The following PRR33 variants were observed in gnomAD, a reference collection of about 807,000 sequenced individuals.
The protein encoded by PRR33 is proline-rich protein 33.
A neutral mutation model predicts 0.5 loss-of-function variants in PRR33; 1 was observed. That is an observed-to-expected ratio of 2.18 (90% CI 0.77 to 10.34). The LOEUF is 10.34. PRR33 is among the 30% of genes most tolerant of loss of function. PRR33 has a pLI of 0.13. For synonymous variants in PRR33, 226 were observed against 110.0 expected, an observed-to-expected ratio of 2.06 and a Z score of -6.60; for missense variants, 552 against 251.8, an observed-to-expected ratio of 2.19 and a Z score of -8.07.
exon 1 of PRR33, chr11:1,891,778 T>A (rs2133150039): frequency 6.5e-6 from 1 of 152,686 alleles, no homozygotes; most frequent in African/African-American, 2.4e-5. Flanking sequence ...TCCAGCTTCC[T>A]GGGTCTGCAG....
chr11:1,889,308 G>C, exon 1 of PRR33: 1 of 706,876 alleles, frequency 1.4e-6, no homozygotes. Flanking sequence ...GCTGGCTGGG[G>C]TGTGCTCCCC....
the PRR33 span, chr11:1,889,763 G>T: frequency 1.5e-6 from 1 of 650,236 alleles, no homozygotes. Context: ...CCAGCGAGCG[G>T]CAGGTCGGGG....
chr11:1,890,283 G>C (rs1417626881), exon 1 of PRR33: 1 of 712,554 alleles, frequency 1.4e-6, no homozygotes, highest in Non-Finnish European at 2.6e-6. Context: ...AGCCTCGGCG[G>C]GGCGTGGGGC....
chr11:1,915,605 G>C, the PRR33 span, among the ~76,000 whole-genome samples: 1 of 38,472 alleles, frequency 2.6e-5, no homozygotes, highest in African/African-American at 1.2e-4. Flanking sequence ...TTGTATGTGT[G>C]TGTGTGCGGG....
At chr11:1,889,886 G>T in exon 1 of PRR33, 1 of 627,734 alleles carries the variant, frequency 1.6e-6, no homozygotes. Flanking sequence ...CCTGGACTGT[G>T]GTGGGCAGTG....
At chr11:1,914,227 C>CTGTGTG in the PRR33 span, among the ~76,000 whole-genome samples, 12 of 151,160 alleles carry the variant, frequency 7.9e-5, no homozygotes, top group East Asian at 2.3e-3. Flanking sequence ...GATGATGTTT[C>CTGTGTG]TGTGTGTGTG....
the PRR33 span, among the ~76,000 whole-genome samples, chr11:1,912,629 G>A: frequency 6.6e-6 from 1 of 152,266 alleles, no homozygotes; most frequent in African/African-American, 2.4e-5. Flanking sequence ...TTTTAAGCCA[G>A]AGTCTCACTC....
chr11:1,893,687 G>T (rs186268337), upstream of PRR33, among the ~76,000 whole-genome samples: 17 of 151,134 alleles, frequency 1.1e-4, no homozygotes, highest in East Asian at 3.3e-3. Context: ...TGGATGGATA[G>T]ATAGATAATG....
chr11:1,908,574 G>A, the PRR33 span, among the ~76,000 whole-genome samples: 6 of 152,174 alleles, frequency 3.9e-5, no homozygotes, highest in African/African-American at 1.4e-4. Flanking sequence ...AGTAAAAAAT[G>A]TTCAAATTCT....
chr11:1,901,049 C>T, the PRR33 span, among the ~76,000 whole-genome samples: 1 of 152,314 alleles, frequency 6.6e-6, no homozygotes, highest in Non-Finnish European at 1.5e-5. Context: ...CGGTGGCTTA[C>T]GCCTGTAACC....
chr11:1,916,533 G>A, the PRR33 span, among the ~76,000 whole-genome samples: 1 of 152,048 alleles, frequency 6.6e-6, no homozygotes, highest in Non-Finnish European at 1.5e-5. Context: ...ATCCGCTTGG[G>A]ACGGTGACCA....
At chr11:1,889,562 C>A in exon 1 of PRR33, 1 of 613,250 alleles carries the variant, frequency 1.6e-6, no homozygotes, top group South Asian at 1.9e-5. Context: ...TGAGCCACGT[C>A]CAGCCACTGA....
the PRR33 span, among the ~76,000 whole-genome samples, chr11:1,905,525 G>A: frequency 3.3e-4 from 47 of 144,612 alleles, no homozygotes; most frequent in African/African-American, 8.2e-4. Flanking sequence ...TGCAACCTCC[G>A]CCTTCTGGGT....
chr11:1,904,873 A>C, the PRR33 span, among the ~76,000 whole-genome samples: 1 of 151,668 alleles, frequency 6.6e-6, no homozygotes, highest in Non-Finnish European at 1.5e-5. Flanking sequence ...TGATATCGGT[A>C]ATTTCTATCC....
chr11:1,888,912 C>G (rs1189899047), exon 1 of PRR33: 1 of 470,256 alleles, frequency 2.1e-6, no homozygotes, highest in East Asian at 3.5e-5. Flanking sequence ...TCCCCTCACA[C>G]CACTGCAGCC....
chr11:1,889,173 C>T lies in PRR33; in HGVS notation c.1412G>A (p.Arg471His), dbSNP rs117666547. The change falls in exon 1 of 1, where the codon CGC (arginine) becomes CAC (histidine). Residue 471 changes from arginine to histidine, a missense_variant. Physicochemically the swap from Arg to His is conservative, Grantham distance 29 (BLOSUM62 0). Coordinates refer to ENST00000640310, the Ensembl canonical transcript of PRR33. ...CTGGAGCCTCCAGCCAGTCGCTGTG[C>T]GGTTGAAGTTCTTGGGCTGGGGGCT... 5,993 of 673,694 alleles carry T rather than the reference C, an allele frequency of 8.9e-3. 42 individuals carry two copies. The highest frequency in any genetic ancestry group is 0.011 in the Non-Finnish European group (3,992 of 362,694). 41.7% of individuals were successfully genotyped at this position (673,694 alleles called of 1,614,324 possible).
the PRR33 span, among the ~76,000 whole-genome samples, chr11:1,907,471 G>T: frequency 1.3e-5 from 2 of 152,184 alleles, no homozygotes; most frequent in Non-Finnish European, 2.9e-5. Flanking sequence ...GAGTGCAGTG[G>T]CGCAATCTTG....
exon 1 of PRR33, chr11:1,890,233 G>C (rs1252640954): frequency 1.4e-6 from 1 of 716,494 alleles, no homozygotes; most frequent in Non-Finnish European, 2.6e-6. Context: ...TGGATGATGG[G>C]GGTGTGCGGG....
At chr11:1,889,545 T>G in exon 1 of PRR33, 1 of 613,016 alleles carries the variant, frequency 1.6e-6, no homozygotes, top group Non-Finnish European at 3.0e-6. Flanking sequence ...CTCCAGCAGC[T>G]GCTTCTTGAG....
Sources: allele counts gnomAD v4.1 joint callset (sites outside exome capture counted in the v4.1 genomes callset), GRCh38; gene constraint gnomAD v4.1.1; transcripts MANE v1.5; gene names NCBI Gene and HGNC (gene_info 2026-07-23, HGNC 2026-07-21).